YPEL3: variants seen among roughly 807,000 people sequenced by gnomAD.
YPEL3 encodes protein yippee-like 3.
In YPEL3, 5 loss-of-function variants were observed where a neutral mutation model predicts 17.5. The ratio of observed to expected loss-of-function variants is 0.29; its 90% CI spans 0.15 to 0.60. The LOEUF is 0.60. Among genes scored for constraint, YPEL3 ranks in the 20% least tolerant of loss-of-function variants. The pLI is 0.87. For synonymous variants in YPEL3, 87 were observed against 87.2 expected (o/e 1.00, Z 0.01); for missense variants, 155 against 211.4 (o/e 0.73, Z 1.65).
At chr16:30,092,836 C>G (rs764329096) in intron 3 of YPEL3, 37 bp from the exon 4 acceptor site, 2 of 1,585,000 alleles carry the variant, frequency 1.3e-6, no homozygotes, top group Non-Finnish European at 1.7e-6. Context: ...CCCGGAGCAA[C>G]AGTCTCACCA....
At chr16:30,092,854 CTGG>C in intron 3 of YPEL3, 55 bp from the exon 4 acceptor site, 2 of 1,533,218 alleles carry the variant, frequency 1.3e-6, no homozygotes, top group South Asian at 2.2e-5. Flanking sequence ...CCACAAGGCA[CTGG>C]GGTTGGGAAG....
Position 30,094,779 on chromosome 16 carries a change from G to A in YPEL3, c.384+10C>T, listed in dbSNP as rs542448964. 62 of 1,613,276 alleles carry A rather than the reference G, an allele frequency of 3.8e-5. No homozygotes were observed. The highest frequency in any genetic ancestry group is 1.6e-4 in the East Asian group (7 of 44,876). On this transcript the variant is annotated intron_variant, in intron 3 of 3. Transcript: ENST00000398841. ...AAAGGCTAGCCTGGGGTCAGAGGTG[G>A]GTGACTCACATATTTCCAGCCCAAA...
Position 30,095,151 on chromosome 16 carries a change from AG to A in YPEL3, c.232-6del. 1 of 1,613,948 alleles carries A rather than the reference AG, an allele frequency of 6.2e-7. No individual in the cohort carries two copies. Among genetic ancestry groups the A allele is most frequent in the Non-Finnish European group, 8.5e-7 (1 of 1,179,872 alleles). On this transcript the variant is annotated splice_region_variant and splice_polypyrimidine_tract_variant and intron_variant, in intron 1 of 3. Coordinates refer to ENST00000398841, the MANE Select transcript of YPEL3 (RefSeq NM_031477.5). The surrounding 1 kb of genome is among the most constrained non-coding windows in gnomAD (Gnocchi z 5.4). ...CCCCTGACTGCCCTGGAAGGACTAA[AG>A]GGTGAGAGGGTGGGAAGAGAGGAGG...
chr16:30,094,998 A>G lies in YPEL3; in HGVS notation c.276-101T>C, dbSNP rs1014058892. ...TCAGCATCCAAGAAATGATGCTCAC[A>G]ATTTCCTGCCTGCACCGGGGAACTC... On this transcript the variant is annotated intron_variant, in intron 2 of 3. Transcript: ENST00000398841. The G allele has an allele frequency of 3.0e-5, 48 of 1,600,026 alleles. 1 individual carries two copies. The highest frequency in any genetic ancestry group is 2.0e-4 in the Middle Eastern group (1 of 5,118).
chr16:30,094,618 A>G (rs2072773256), intron 3 of YPEL3, 171 bp downstream of exon 3: 2 of 668,350 alleles, frequency 3.0e-6, no homozygotes, highest in African/African-American at 1.8e-5. Flanking sequence ...GGTTAAGAGA[A>G]AAGTTCTACA....
chr16:30,092,518 G>A lies in YPEL3; in HGVS notation c.*192C>T. 2 of 577,006 alleles carry A rather than the reference G, an allele frequency of 3.5e-6. No individual in the cohort carries two copies. The highest frequency in any genetic ancestry group is 2.3e-5 in the South Asian group (1 of 42,994). 35.7% of individuals were successfully genotyped at this position (577,006 alleles called of 1,614,324 possible). A position where few individuals can be genotyped will look rare whatever the true frequency, so the allele number is the denominator to read the frequency against. ...ATCCAAGCCAGCCAGATCGCAGGAG[G>A]TGCGGGGGCGTCGTCCCCCTTCTGT... is the stretch of plus-strand genomic sequence containing the variant. On this transcript the variant is annotated 3_prime_UTR_variant, in exon 4 of 4. Transcript: ENST00000398841.
rs543247850 is a variant in YPEL3, at chr16:30,094,837, G to A, written c.336C>T (p.Val112=). Residue 112 remains valine (V), a synonymous_variant, in exon 3 of 4, where the codon GTC becomes GTT. Coordinates refer to ENST00000398841, the MANE Select transcript of YPEL3 (RefSeq NM_031477.5). ...TGCAGTTCTCGCAGTGGATGTCGGC[G>A]ACAGCATGGAGGCCGGTCAGCAGCA... is the stretch of plus-strand genomic sequence containing the variant. ...ERVLLTGLHA[V]ADIHCENCKT... The A allele has an allele frequency of 9.9e-6, 16 of 1,614,084 alleles. No homozygotes were observed. The highest frequency in any genetic ancestry group is 3.3e-4 in the Middle Eastern group (2 of 6,062).
At position 30,095,963 on chromosome 16, in the gene YPEL3, A is replaced by G. The variant is rs2072788903; in HGVS notation, c.-481T>C. On this transcript the variant is annotated 5_prime_UTR_variant, in exon 1 of 4. Transcript: ENST00000398841. The surrounding 1 kb of genome is among the most constrained non-coding windows in gnomAD (Gnocchi z 5.4). ...TCTACGCTCAGGGGCTCTTACCTGC[A>G]ACGCGGAGCCTTACCTGGACTCCGG... 7.0e-6 allele frequency: 1 copy of G among 142,808 alleles called. No homozygotes were observed. The highest frequency in any genetic ancestry group is 7.0e-5 in the Admixed American group (1 of 14,336). The allele number at this position is 142,808 out of a possible 1,614,324, so 8.8% of individuals were successfully genotyped here. A position where few individuals can be genotyped will look rare whatever the true frequency, so the allele number is the denominator to read the frequency against.
chr16:30,094,545 T>G (rs1051479510), intron 3 of YPEL3: 29 of 542,540 alleles, frequency 5.3e-5, no homozygotes, highest in Non-Finnish European at 9.7e-5. Context: ...ATTCCATAAA[T>G]GGTGACTCTG....
rs988917405 is a variant in YPEL3 at position 30,095,877 on chromosome 16, C to G, written c.-395G>C. 3 of 196,124 alleles carry G rather than the reference C, an allele frequency of 1.5e-5. No individual in the cohort carries two copies. Among genetic ancestry groups the G allele is most frequent in the African/African-American group, 7.0e-5 (3 of 42,884 alleles). The allele number at this position is 196,124 out of a possible 1,614,324, so 12.1% of individuals were successfully genotyped here. A position where few individuals can be genotyped will look rare whatever the true frequency, so the allele number is the denominator to read the frequency against. On this transcript the variant is annotated 5_prime_UTR_variant, in exon 1 of 4. Coordinates refer to ENST00000398841, the MANE Select transcript of YPEL3 (RefSeq NM_031477.5). This position sits in a 1 kb window ranked among gnomAD's most constrained non-coding sequence, Gnocchi z 5.4. Reference sequence around the variant, plus strand: ...ACCTGGAGGAGGTAGGAGGCCTCGCCGTGAAGGTTGAGGGTCACCTAGGAG... The same window carrying G: ...ACCTGGAGGAGGTAGGAGGCCTCGCGGTGAAGGTTGAGGGTCACCTAGGAG...
chr16:30,095,512 G>C lies in YPEL3; in HGVS notation c.-30C>G, dbSNP rs1596862651. On this transcript the variant is annotated 5_prime_UTR_variant, in exon 1 of 4. Transcript: ENST00000398841. This position sits in a 1 kb window ranked among gnomAD's most constrained non-coding sequence, Gnocchi z 5.4. ...GGCACTCCCAGAGCCGTGGGGACTC[G>C]CTCTGTCACACTGGGCTGCTCTCTC... 6.9e-7 allele frequency: 1 copy of C among 1,454,752 alleles called. No homozygotes were observed. 90.1% of individuals were successfully genotyped at this position (1,454,752 alleles called of 1,614,324 possible). A position where few individuals can be genotyped will look rare whatever the true frequency, so the allele number is the denominator to read the frequency against.
At chr16:30,094,660 G>A in intron 3 of YPEL3, 129 bp downstream of exon 3, 2 of 842,612 alleles carry the variant, frequency 2.4e-6, no homozygotes, top group Non-Finnish European at 4.0e-6. Flanking sequence ...AAGAGAATGT[G>A]GTCAGGGATG....
Position 30,095,990 on chromosome 16 carries a change from G to A in YPEL3, c.-508C>T, listed in dbSNP as rs2072789401. 1 of 134,698 alleles carries A rather than the reference G, an allele frequency of 7.4e-6. No homozygotes were observed. Among genetic ancestry groups the A allele is most frequent in the Non-Finnish European group, 1.6e-5 (1 of 63,016 alleles). 8.3% of individuals were successfully genotyped at this position (134,698 alleles called of 1,614,324 possible). ...CGCGGAGCCTTACCTGGACTCCGGG[G>A]CTCACCTGGGGCGCGGGGGTGGGGG... On this transcript the variant is annotated 5_prime_UTR_variant, in exon 1 of 4. Coordinates refer to ENST00000398841, the MANE Select transcript of YPEL3 (RefSeq NM_031477.5). The surrounding 1 kb of genome is among the most constrained non-coding windows in gnomAD (Gnocchi z 5.4).
rs1200296652 is a variant in YPEL3, at chr16:30,095,373, G to A, written c.110C>T (p.Pro37Leu). ...APRVGPLPPA[P>L]AMVRISKPKT... ...GGGCTTTGAAATCCGCACCATGGCG[G>A]GGGCCGGGGGCAGTGGCCCCACGCG... Residue 37 changes from proline (P) to leucine (L), a missense_variant, in exon 1 of 4, where the codon CCC becomes CTC. Pro to Leu is a moderately conservative substitution (Grantham distance 98). Transcript: ENST00000398841. The surrounding 1 kb of genome is among the most constrained non-coding windows in gnomAD (Gnocchi z 5.4). 6.2e-7 allele frequency: 1 copy of A among 1,613,930 alleles called. No individual in the cohort carries two copies. Among genetic ancestry groups the A allele is most frequent in the South Asian group, 1.1e-5 (1 of 91,080 alleles).
Position 30,095,670 on chromosome 16 carries a change from G to A in YPEL3, c.-188C>T. 1 of 546,728 alleles carries A rather than the reference G, an allele frequency of 1.8e-6. No homozygotes were observed. The highest frequency in any genetic ancestry group is 3.2e-6 in the Non-Finnish European group (1 of 313,666). 33.9% of individuals were successfully genotyped at this position (546,728 alleles called of 1,614,324 possible). A position where few individuals can be genotyped will look rare whatever the true frequency, so the allele number is the denominator to read the frequency against. On this transcript the variant is annotated 5_prime_UTR_variant, in exon 1 of 4. Coordinates refer to ENST00000398841, the MANE Select transcript of YPEL3 (RefSeq NM_031477.5). This position sits in a 1 kb window ranked among gnomAD's most constrained non-coding sequence, Gnocchi z 5.4. ...CAGGGTGAGTCACCCGCCTGCTTCC[G>A]GCCTCACCCTTGCTGACCTGGCAGC...
Position 30,095,443 on chromosome 16 carries a change from G to T in YPEL3, c.40C>A (p.Pro14Thr), listed in dbSNP as rs1175305343. 1 of 1,587,754 alleles carries T rather than the reference G, an allele frequency of 6.3e-7. No homozygotes were observed. The highest frequency in any genetic ancestry group is 1.1e-5 in the South Asian group (1 of 87,704). The change falls in exon 1 of 4, where the codon CCC (proline) becomes ACC (threonine). Residue 14 changes from proline to threonine, a missense_variant. Physicochemically the swap from Pro to Thr is conservative, Grantham distance 38. Transcript: ENST00000398841. The surrounding 1 kb of genome is among the most constrained non-coding windows in gnomAD (Gnocchi z 5.4). The part of the protein sequence containing the change: ...AQVLTAHLLP[P>T]RQALGSLCSP... ...CAGAGGGAGCCCAGTGCCTGCCGGG[G>T]AGGGAGTAGGTGGGCTGTCAGGACC...
At position 30,092,616 on chromosome 16, in the gene YPEL3, T is replaced by G; in HGVS notation, c.*94A>C. On this transcript the variant is annotated 3_prime_UTR_variant, in exon 4 of 4. Transcript: ENST00000398841. The stretch of plus-strand genomic sequence containing the variant: ...CTAGATCCGTCCTCTGCAGGGGCTC[T>G]GAGGGTCCAGAGCTCCCTTCGGGTG... 2 of 1,173,472 alleles carry G rather than the reference T, an allele frequency of 1.7e-6. No homozygotes were observed. Among genetic ancestry groups the G allele is most frequent in the East Asian group, 2.3e-5 (1 of 42,772 alleles). The allele number at this position is 1,173,472 out of a possible 1,614,324, so 72.7% of individuals were successfully genotyped here.
rs1333389522 is a variant in YPEL3 at position 30,092,521 on chromosome 16, CG to C, written c.*188del. On this transcript the variant is annotated 3_prime_UTR_variant, in exon 4 of 4. Coordinates refer to ENST00000398841, the MANE Select transcript of YPEL3 (RefSeq NM_031477.5). ...CAAGCCAGCCAGATCGCAGGAGGTG[CG>C]GGGGCGTCGTCCCCCTTCTGTTCTC... The C allele has an allele frequency of 1.7e-6, 1 of 573,952 alleles. No individual in the cohort carries two copies. The highest frequency in any genetic ancestry group is 3.1e-6 in the Non-Finnish European group (1 of 324,896). The allele number at this position is 573,952 out of a possible 1,614,324, so 35.6% of individuals were successfully genotyped here.
chr16:30,095,298 G>A lies in YPEL3; in HGVS notation c.185C>T (p.Ala62Val), dbSNP rs1159857896. The A allele has an allele frequency of 6.2e-7, 1 of 1,614,196 alleles. No homozygotes were observed. Among genetic ancestry groups the A allele is most frequent in the African/African-American group, 1.3e-5 (1 of 75,042 alleles). The part of the protein sequence containing the change: ...LDDCHRRYSC[A>V]HCRAHLANHD... Reference sequence around the variant, plus strand: ...GTTGGCCAGGTGAGCGCGGCAGTGGGCACAGCTATACCTCCGGTGACAATC... The same window carrying A: ...GTTGGCCAGGTGAGCGCGGCAGTGGACACAGCTATACCTCCGGTGACAATC... Residue 62 changes from alanine (A) to valine (V), a missense_variant, in exon 1 of 4, where the codon GCC becomes GTC. Ala to Val is a moderately conservative substitution (Grantham distance 64, BLOSUM62 0). Coordinates refer to ENST00000398841, the MANE Select transcript of YPEL3 (RefSeq NM_031477.5). The surrounding 1 kb of genome is among the most constrained non-coding windows in gnomAD (Gnocchi z 5.4).
Sources: gnomAD v4.1 joint callset for allele counts on GRCh38, gnomAD v4.1.1 for gene constraint, Gnocchi (gnomAD v3.1) non-coding constraint, MANE v1.5 for transcripts, NCBI Gene and HGNC (gene_info 2026-07-23, HGNC 2026-07-21) for gene names.